GUCY2C: variants seen among roughly 807,000 people sequenced by gnomAD.
GUCY2C encodes guanylyl cyclase C.
In GUCY2C, 118 loss-of-function variants were observed where a neutral mutation model predicts 131.1. That is an observed-to-expected ratio of 0.90 (90% CI 0.78 to 1.05). GUCY2C has a LOEUF of 1.05. Ranked by LOEUF, GUCY2C falls within the 50% of genes least tolerant of loss-of-function variation. GUCY2C has a pLI of 0.00. For missense variants in GUCY2C, 1,161 were observed against 1,304.4 expected, an observed-to-expected ratio of 0.89 and a Z score of 1.69; for synonymous variants, 452 against 457.8, an observed-to-expected ratio of 0.99 and a Z score of 0.16.
rs766908306 is a variant in GUCY2C at position 14,679,614 on chromosome 12, T to TTTC, written c.830+42_830+43insGAA. On this transcript the variant is annotated intron_variant, in intron 6 of 26. Transcript: ENST00000261170. ...GCCTTCTGGAAATCCTTGGAATACT[T>TTTC]CCTTTTTGAAAGGAGGAGGGTTTTT... 5.2e-6 allele frequency: 5 copies of TTTC among 953,920 alleles called. No individual in the cohort carries two copies. The African/African-American group carries it at 6.4e-5, about 12-fold the overall frequency. The allele number at this position is 953,920 out of a possible 1,614,324, so 59.1% of individuals were successfully genotyped here.
chr12:14,674,507 G>T (rs1402764476), intron 8 of GUCY2C, 118 bp downstream of exon 8: 3 of 920,138 alleles, frequency 3.3e-6, no homozygotes. Context: ...ATCCAGTTGA[G>T]TTCAAAGGGA....
chr12:14,641,868 T>G (rs1947411790), intron 17 of GUCY2C, among the ~76,000 whole-genome samples: 1 of 150,896 alleles, frequency 6.6e-6, no homozygotes, highest in Admixed American at 6.6e-5. Context: ...ACCTGGGAGG[T>G]GGAGGTTGCA....
intron 2 of GUCY2C, among the ~76,000 whole-genome samples, chr12:14,687,740 T>G (rs939152688): frequency 1.4e-4 from 22 of 152,238 alleles, no homozygotes; most frequent in African/African-American, 5.3e-4. Context: ...GCCAAGGCTT[T>G]CCTCACTTTT....
In GUCY2C at chr12:14,616,665, G is replaced by C. The variant is rs1275788635; in HGVS notation, c.2938C>G (p.Leu980Val). 6.2e-7 allele frequency: 1 copy of C among 1,602,686 alleles called. No homozygotes were observed. Among genetic ancestry groups the C allele is most frequent in the Non-Finnish European group, 8.5e-7 (1 of 1,169,798 alleles). ...AILKRTECQF[L>V]YEVRGETYLK... ...TATGTTTCTCCTCTCACTTCATAAAGGAACTGGCACTCAGTTCTCTTCAGG... is the reference window on the plus strand; with the variant it reads ...TATGTTTCTCCTCTCACTTCATAAACGAACTGGCACTCAGTTCTCTTCAGG... The change falls in exon 25 of 27, where the codon CTT becomes GTT. Residue 980 changes from leucine to valine, a missense_variant. By Grantham distance (32) the Leu-to-Val change is conservative. Coordinates refer to ENST00000261170, the MANE Select transcript of GUCY2C (RefSeq NM_004963.4).
At chr12:14,624,377 G>T (rs1946961142) in intron 21 of GUCY2C, among the ~76,000 whole-genome samples, 1 of 152,074 alleles carries the variant, frequency 6.6e-6, no homozygotes, top group African/African-American at 2.4e-5. Context: ...GGAGGCAGAG[G>T]TTGCAGTGAG....
chr12:14,694,670 T>C (rs1310120280), intron 1 of GUCY2C, among the ~76,000 whole-genome samples: 1 of 152,232 alleles, frequency 6.6e-6, no homozygotes, highest in Non-Finnish European at 1.5e-5. Context: ...ATCCGTTCAC[T>C]TATGTGTGAA....
At chr12:14,637,292 A>G (rs138348191) in intron 19 of GUCY2C, among the ~76,000 whole-genome samples, 1 of 152,148 alleles carries the variant, frequency 6.6e-6, no homozygotes, top group African/African-American at 2.4e-5. Context: ...TGAAGAGGAC[A>G]AAAACAAATG....
chr12:14,656,735 G>A, intron 11 of GUCY2C, 118 bp from the exon 12 acceptor site: 1 of 539,056 alleles, frequency 1.9e-6, no homozygotes, highest in Non-Finnish European at 3.4e-6. Flanking sequence ...GTGAGGGAAG[G>A]TAGCCCAATG....
At chr12:14,682,251 G>A (rs1030344486) in intron 4 of GUCY2C, among the ~76,000 whole-genome samples, 5 of 152,084 alleles carry the variant, frequency 3.3e-5, no homozygotes, top group African/African-American at 9.7e-5. Flanking sequence ...TAATCCCCAC[G>A]TGTCAAGGGA....
At chr12:14,625,190 G>C (rs1436111236) in intron 21 of GUCY2C, among the ~76,000 whole-genome samples, 1 of 152,108 alleles carries the variant, frequency 6.6e-6, no homozygotes, top group Non-Finnish European at 1.5e-5. Flanking sequence ...AGATTTTGAG[G>C]TCAGAGTTAC....
At chr12:14,648,641 C>T (rs1326740609) in intron 15 of GUCY2C, among the ~76,000 whole-genome samples, 1 of 152,168 alleles carries the variant, frequency 6.6e-6, no homozygotes, top group Non-Finnish European at 1.5e-5. Flanking sequence ...TGAATGTGCA[C>T]ATAATTTACG....
At position 14,672,533 on chromosome 12, in the gene GUCY2C, G is replaced by T. The variant is rs2287172; in HGVS notation, c.1170+340C>A. On this transcript the variant is annotated intron_variant, in intron 9 of 26. Coordinates refer to ENST00000261170, the MANE Select transcript of GUCY2C (RefSeq NM_004963.4). Reference sequence around the variant, plus strand: ...AGTAAACAATTCTTAGGAAAGACTTGTGATCCTCTCATTGGTATCCCATCA... The same window carrying T: ...AGTAAACAATTCTTAGGAAAGACTTTTGATCCTCTCATTGGTATCCCATCA... Among the ~76,000 whole-genome samples the T allele has an allele frequency of 2.9e-3, 444 of 152,188 alleles. 21 individuals are homozygous for T. The East Asian group carries it at 0.075, about 26-fold the overall frequency.
At chr12:14,668,052 G>A (rs1948019910) in intron 10 of GUCY2C, among the ~76,000 whole-genome samples, 1 of 143,144 alleles carries the variant, frequency 7.0e-6, no homozygotes, top group Non-Finnish European at 1.5e-5. Flanking sequence ...CATCCAGGCT[G>A]GAGTGCAGTG....
At chr12:14,636,722 T>C (rs953401425) in intron 19 of GUCY2C, among the ~76,000 whole-genome samples, 1 of 152,174 alleles carries the variant, frequency 6.6e-6, no homozygotes, top group African/African-American at 2.4e-5. Flanking sequence ...GATATGATCT[T>C]ACGTCTAGAA....
chr12:14,631,805 C>T (rs1242959661), intron 19 of GUCY2C, among the ~76,000 whole-genome samples: 2 of 150,710 alleles, frequency 1.3e-5, no homozygotes, highest in African/African-American at 4.9e-5. Context: ...GGAATTGCCA[C>T]ACTGACTTCC....
chr12:14,679,273 C>A (rs1380160416), intron 6 of GUCY2C, among the ~76,000 whole-genome samples: 4 of 151,804 alleles, frequency 2.6e-5, no homozygotes, highest in Non-Finnish European at 5.9e-5. Flanking sequence ...ACTGTGTTGC[C>A]CAGGCTAGTC....
intron 19 of GUCY2C, among the ~76,000 whole-genome samples, chr12:14,629,279 C>T (rs772997639): frequency 6.6e-6 from 1 of 152,010 alleles, no homozygotes; most frequent in South Asian, 2.1e-4. Flanking sequence ...TGAAGAAACT[C>T]CCCAGGCCTC....
intron 15 of GUCY2C, among the ~76,000 whole-genome samples, chr12:14,646,588 A>G (rs1947527987): frequency 6.6e-6 from 1 of 152,246 alleles, no homozygotes; most frequent in African/African-American, 2.4e-5. Flanking sequence ...AATATAAAAA[A>G]GAAGAATATA....
At chr12:14,626,796 T>C (rs1480678245) in intron 20 of GUCY2C, among the ~76,000 whole-genome samples, 6 of 152,216 alleles carry the variant, frequency 3.9e-5, no homozygotes, top group Admixed American at 3.9e-4. Context: ...CTCAATTTTA[T>C]TTTTTGAAGA....
Sources: allele counts gnomAD v4.1 joint callset (sites outside exome capture counted in the v4.1 genomes callset), GRCh38; gene constraint gnomAD v4.1.1; transcripts MANE v1.5; gene names NCBI Gene and HGNC (gene_info 2026-07-23, HGNC 2026-07-21).